Variants in MYPN observed in about 807,000 individuals in gnomAD.
MYPN encodes sarcomeric protein myopalladin, 145 kDa (MYOP).
MYPN carries 63 observed loss-of-function variants against 129.4 expected under a neutral mutation model. The ratio of observed to expected loss-of-function variants is 0.49; its 90% CI spans 0.40 to 0.60. MYPN has a LOEUF of 0.60. MYPN is among the 20% of genes least tolerant of loss of function. The pLI, the probability that MYPN is intolerant of heterozygous loss-of-function variation, is 0.00. For synonymous variants in MYPN, 629 were observed against 600.9 expected (o/e 1.05, Z -0.68); for missense variants, 1,596 against 1,635.4 (o/e 0.98, Z 0.42).
rs146313146 is a variant in MYPN, at chr10:68,100,665, G to A, written c.-2+12673G>A. On this transcript the variant is annotated intron_variant, in intron 1 of 6. Transcript: ENST00000685154. ...CCGGTTTAGAAGGATGTAAAAGTAC[G>A]AAAACACCTCTTATTAGCACCTGTG... is the stretch of plus-strand genomic sequence containing the variant. 2.6e-5 allele frequency among the ~76,000 whole-genome samples: 4 copies of A among 152,278 alleles called. No homozygotes were observed. In the East Asian group the frequency reaches 5.8e-4, roughly 22 times the overall value.
At chr10:68,157,454 T>C (rs2042895014) in intron 6 of MYPN, among the ~76,000 whole-genome samples, 1 of 152,086 alleles carries the variant, frequency 6.6e-6, no homozygotes. Context: ...ATCACTCCTA[T>C]GTTGAACACA....
upstream of MYPN, among the ~76,000 whole-genome samples, chr10:68,101,421 AT>A: frequency 6.6e-6 from 1 of 152,256 alleles, no homozygotes; most frequent in Non-Finnish European, 1.5e-5. Flanking sequence ...ATTTCTGATT[AT>A]ACCAAAGCTT....
chr10:68,106,229 T>A, upstream of MYPN: 1 of 447,038 alleles, frequency 2.2e-6, no homozygotes, highest in African/African-American at 2.0e-5. Flanking sequence ...AAGTGGGTGT[T>A]CTGTTTAGTT....
At position 68,186,256 on chromosome 10, in the gene MYPN, G is replaced by A. The variant is rs2043419951; in HGVS notation, c.2704-2649G>A. ...TACCCAGTTTGAGACGAGGCAGAGA[G>A]GAGCAGATTTAAAATTGGTTCCAGT... On this transcript the variant is annotated intron_variant, in intron 12 of 19. Coordinates refer to ENST00000358913, the MANE Select transcript of MYPN (RefSeq NM_032578.4). Among the ~76,000 whole-genome samples, 3 of 152,088 alleles carry A rather than the reference G, an allele frequency of 2.0e-5. No individual in the cohort carries two copies. In the South Asian group the frequency reaches 6.2e-4, roughly 32 times the overall value.
intron 2 of MYPN, among the ~76,000 whole-genome samples, chr10:68,142,363 A>C (rs2042591189): frequency 6.6e-6 from 1 of 152,238 alleles, no homozygotes; most frequent in African/African-American, 2.4e-5. Context: ...AAGGATATAG[A>C]ATTAAAAGAA....
rs544686521 is a variant in MYPN at position 68,140,805 on chromosome 10, G to T, written c.903-2135G>T. ...CTTGCCTTATAGGATGTGTGTGGTGGCTCATTCCTGTAATCCCAGCACTTT... is the reference window on the plus strand; with the variant it reads ...CTTGCCTTATAGGATGTGTGTGGTGTCTCATTCCTGTAATCCCAGCACTTT... On this transcript the variant is annotated intron_variant, in intron 2 of 19. Coordinates refer to ENST00000358913, the MANE Select transcript of MYPN (RefSeq NM_032578.4). Among the ~76,000 whole-genome samples, 12 of 152,308 alleles carry T rather than the reference G, an allele frequency of 7.9e-5. No homozygotes were observed. The South Asian group carries it at 1.9e-3, about 24-fold the overall frequency.
At chr10:68,143,599 TG>T (rs1161792008) in intron 3 of MYPN, among the ~76,000 whole-genome samples, 1 of 151,824 alleles carries the variant, frequency 6.6e-6, no homozygotes, top group Non-Finnish European at 1.5e-5. Flanking sequence ...AAAGGTAAGA[TG>T]GGGTGGAAGT....
At chr10:68,143,845 C>T (rs2042616421) in intron 3 of MYPN, among the ~76,000 whole-genome samples, 1 of 152,160 alleles carries the variant, frequency 6.6e-6, no homozygotes, top group South Asian at 2.1e-4. Context: ...ACCTCCGCCT[C>T]CCGGGTTCAA....
upstream of MYPN, chr10:68,106,828 T>C (rs549747005): frequency 2.5e-5 from 18 of 716,698 alleles, 1 homozygote; most frequent in African/African-American, 1.7e-4. Context: ...TGTGGCTGAC[T>C]GACTGAATTA....
At position 68,174,133 on chromosome 10, in the gene MYPN, C is replaced by T. The variant is rs1200199068; in HGVS notation, c.2041C>T (p.Pro681Ser). Reference sequence around the variant, plus strand: ...GGAACAACACCAATTGCAAAACCCACCTCCTTCATCTCCTAAGGAGTTTCC... The same window carrying T: ...GGAACAACACCAATTGCAAAACCCATCTCCTTCATCTCCTAAGGAGTTTCC... Reference protein sequence around the residue: ...LLEQHQLQNPPPSSPKEFPFS... With the variant: ...LLEQHQLQNPSPSSPKEFPFS... Residue 681 changes from proline (P) to serine (S), a missense_variant, in exon 11 of 20, where the codon CCT (proline) becomes TCT (serine). Physicochemically the swap from Pro to Ser is moderately conservative, Grantham distance 74 (BLOSUM62 -1). Coordinates refer to ENST00000358913, the MANE Select transcript of MYPN (RefSeq NM_032578.4). 1.9e-6 allele frequency: 3 copies of T among 1,614,122 alleles called. No individual in the cohort carries two copies. In the East Asian group the frequency reaches 6.7e-5, roughly 36 times the overall value.
chr10:68,168,202 T>A (rs2673792), intron 10 of MYPN, among the ~76,000 whole-genome samples: 96,894 of 151,946 alleles, frequency 0.64, 31,548 homozygotes, highest in Non-Finnish European at 0.69. Flanking sequence ...CCCAATTCTA[T>A]TTGGTTCAGG....
At chr10:68,126,762 G>A (rs1321300931) in intron 2 of MYPN, among the ~76,000 whole-genome samples, 1 of 152,160 alleles carries the variant, frequency 6.6e-6, no homozygotes, top group Non-Finnish European at 1.5e-5. Flanking sequence ...GGTTTGTGGA[G>A]GAGGTCGATG....
At chr10:68,149,451 A>AT (rs35495734) in intron 5 of MYPN, among the ~76,000 whole-genome samples, 24,153 of 151,772 alleles carry the variant, frequency 0.16, 5,699 homozygotes, top group African/African-American at 0.52. Context: ...TTATATACAT[A>AT]TTTTTTTTCT....
At chr10:68,195,015 C>G (rs1338444049) in intron 14 of MYPN, among the ~76,000 whole-genome samples, 1 of 152,152 alleles carries the variant, frequency 6.6e-6, no homozygotes, top group Non-Finnish European at 1.5e-5. Context: ...TCTTAAAATT[C>G]CCCTAAAAGA....
chr10:68,115,913 G>A (rs59805647), intron 1 of MYPN, among the ~76,000 whole-genome samples: 1,727 of 152,192 alleles, frequency 0.011, 29 homozygotes, highest in African/African-American at 0.04. Context: ...TTTTTTACCA[G>A]ATGGTCACAT....
At chr10:68,153,068 C>T (rs918766848) in intron 6 of MYPN, among the ~76,000 whole-genome samples, 4 of 151,772 alleles carry the variant, frequency 2.6e-5, no homozygotes. Flanking sequence ...TCAGTGCAAC[C>T]TTTGCCTCCT....
rs112671599 is a variant in MYPN at position 68,164,294 on chromosome 10, G to A, written c.1484-1408G>A. Among the ~76,000 whole-genome samples, 765 of 152,350 alleles carry A rather than the reference G, an allele frequency of 5.0e-3. 8 individuals are homozygous for A. Among genetic ancestry groups the A allele is most frequent in the African/African-American group, 0.017 (715 of 41,572 alleles). On this transcript the variant is annotated intron_variant, in intron 8 of 19. Coordinates refer to ENST00000358913, the MANE Select transcript of MYPN (RefSeq NM_032578.4). ...GCAAGAGAGCAAATGCGCAAGAGAAGGGAGGGAGAGAGGGGGCCACTCTTA... is the reference window on the plus strand; with the variant it reads ...GCAAGAGAGCAAATGCGCAAGAGAAAGGAGGGAGAGAGGGGGCCACTCTTA...
intron 17 of MYPN, among the ~76,000 whole-genome samples, chr10:68,200,590 T>C (rs1008705934): frequency 2.0e-5 from 3 of 152,048 alleles, no homozygotes; most frequent in Non-Finnish European, 4.4e-5. Context: ...AAACCCCATC[T>C]CTACTACAAA....
At chr10:68,169,381 A>T (rs2043110612) in intron 10 of MYPN, among the ~76,000 whole-genome samples, 1 of 146,094 alleles carries the variant, frequency 6.8e-6, no homozygotes, top group South Asian at 2.1e-4. Flanking sequence ...AAAAAAAAGA[A>T]GTGACTTCTC....
Sources: gnomAD v4.1 joint callset for allele counts (sites outside exome capture counted in the v4.1 genomes callset) on GRCh38, gnomAD v4.1.1 for gene constraint, MANE v1.5 for transcripts, NCBI Gene and HGNC (gene_info 2026-07-23, HGNC 2026-07-21) for gene names.